Variants in MTUS2 observed in about 807,000 individuals in gnomAD.
MTUS2 encodes microtubule associated scaffold protein 2, also known as microtubule-associated tumor suppressor candidate 2.
In MTUS2, 40 loss-of-function variants were observed where a neutral mutation model predicts 114.1. That is an observed-to-expected ratio of 0.35 (90% CI 0.27 to 0.46). The LOEUF (loss-of-function observed/expected upper bound fraction) is 0.46. Ranked by LOEUF, MTUS2 falls within the 20% of genes least tolerant of loss-of-function variation. The pLI, the probability that MTUS2 is intolerant of heterozygous loss-of-function variation, is 1.00. For missense variants in MTUS2, 1,679 were observed against 1,705.4 expected (o/e 0.98, Z 0.27); for synonymous variants, 688 against 672.0 (o/e 1.02, Z -0.37).
rs1566174175 is a variant in MTUS2, at chr13:29,389,761, ATATGTATATACATACATATGTGTG to A, written c.3117+30292_3117+30315del. Among the ~76,000 whole-genome samples, 4 of 24,308 alleles carry A rather than the reference ATATGTATATACATACATATGTGTG, an allele frequency of 1.6e-4. 2 individuals carry two copies. The highest frequency in any genetic ancestry group is 4.7e-4 in the African/African-American group (4 of 8,508). 15.9% of individuals were successfully genotyped at this position (24,308 alleles called of 152,430 possible). On this transcript the variant is annotated intron_variant, in intron 8 of 15. Coordinates refer to ENST00000612955, the MANE Select transcript of MTUS2 (RefSeq NM_001033602.4). ...TATGTATATACATACATATGTGTGT[ATATGTATATACATACATATGTGTG>A]TATATGTATATACATACATATGTGT...
chr13:29,148,384 C>A (rs924151027), intron 5 of MTUS2, among the ~76,000 whole-genome samples: 1 of 46,020 alleles, frequency 2.2e-5, no homozygotes, highest in African/African-American at 8.2e-5. Flanking sequence ...CTGACAGACC[C>A]CAGTGTGTGT....
chr13:29,332,491 T>G (rs1203247684), intron 7 of MTUS2, among the ~76,000 whole-genome samples: 2 of 151,102 alleles, frequency 1.3e-5, no homozygotes, highest in Non-Finnish European at 2.9e-5. Context: ...AATTTGTTAA[T>G]CTTTTCAAAA....
At chr13:29,320,164 G>A (rs543031384) in intron 6 of MTUS2, among the ~76,000 whole-genome samples, 1 of 152,302 alleles carries the variant, frequency 6.6e-6, no homozygotes, top group South Asian at 2.1e-4. Context: ...TAAGAGAGAG[G>A]CAGGAGGAAT....
At position 29,480,478 on chromosome 13, in the gene MTUS2, GTTCAC is replaced by G. The variant is rs749810925; in HGVS notation, c.3399+117_3399+121del. 12 of 1,169,708 alleles carry G rather than the reference GTTCAC, an allele frequency of 1.0e-5. No individual in the cohort carries two copies. Among genetic ancestry groups the G allele is most frequent in the Non-Finnish European group, 1.4e-5 (12 of 856,390 alleles). 72.5% of individuals were successfully genotyped at this position (1,169,708 alleles called of 1,614,324 possible). A position where few individuals can be genotyped will look rare whatever the true frequency, so the allele number is the denominator to read the frequency against. ...ATTCAGTAGGTGAGCTTTCTGAACA[GTTCAC>G]TTTCTGAGTTGCTTTCTCCTTTCTC... On this transcript the variant is annotated intron_variant, in intron 10 of 15. Transcript: ENST00000612955. The surrounding 1 kb of genome is among the most constrained non-coding windows in gnomAD (Gnocchi z 4.4).
At chr13:28,867,476 A>G (rs907621017) in intron 2 of MTUS2, among the ~76,000 whole-genome samples, 6 of 152,208 alleles carry the variant, frequency 3.9e-5, no homozygotes, top group African/African-American at 1.4e-4. Context: ...AACCTCAGTA[A>G]ATCTCTTGAG....
chr13:29,211,250 G>A (rs1453230178), intron 5 of MTUS2, among the ~76,000 whole-genome samples: 1 of 152,122 alleles, frequency 6.6e-6, no homozygotes, highest in African/African-American at 2.4e-5. Flanking sequence ...CCAGGGGACT[G>A]GGGGAAAGCT....
chr13:29,045,040 T>C (rs1163908228), intron 4 of MTUS2, among the ~76,000 whole-genome samples: 7 of 152,204 alleles, frequency 4.6e-5, no homozygotes, highest in Admixed American at 3.3e-4. Context: ...AGACTTCAAA[T>C]CTCTGACATG....
chr13:28,965,964 C>T (rs1883563878), intron 2 of MTUS2, among the ~76,000 whole-genome samples: 1 of 152,178 alleles, frequency 6.6e-6, no homozygotes, highest in Admixed American at 6.5e-5. Flanking sequence ...GGCACCATGG[C>T]CTAGCCAAGC....
chr13:28,892,792 G>T (rs984334265), intron 2 of MTUS2, among the ~76,000 whole-genome samples: 2 of 152,180 alleles, frequency 1.3e-5, no homozygotes, highest in East Asian at 1.9e-4. Context: ...GCCTTGCAAT[G>T]AACCTCAGGT....
chr13:29,236,877 A>G (rs1349402795), intron 5 of MTUS2, among the ~76,000 whole-genome samples: 1 of 152,242 alleles, frequency 6.6e-6, no homozygotes, highest in Non-Finnish European at 1.5e-5. Context: ...ATGTATCCCA[A>G]TCTGAGTCCT....
Position 29,420,081 on chromosome 13 carries a change from A to G in MTUS2, c.3118-19902A>G, listed in dbSNP as rs192006048. On this transcript the variant is annotated intron_variant, in intron 8 of 15. Coordinates refer to ENST00000612955, the MANE Select transcript of MTUS2 (RefSeq NM_001033602.4). ...TAGAAAACCATTCCAGAAACCTTAT[A>G]TAGTAGATAGTTTTATCTCCATCTT... Among the ~76,000 whole-genome samples, 284 of 152,234 alleles carry G rather than the reference A, an allele frequency of 1.9e-3. 1 individual carries two copies. The highest frequency in any genetic ancestry group is 3.5e-3 in the Non-Finnish European group (235 of 67,992).
intron 2 of MTUS2, among the ~76,000 whole-genome samples, chr13:28,953,201 T>C (rs746421829): frequency 1.3e-5 from 2 of 151,996 alleles, no homozygotes; most frequent in Admixed American, 6.6e-5. Context: ...TCTACTGAGT[T>C]GCTTTTCTAT....
chr13:29,218,909 A>G (rs1410021053), intron 5 of MTUS2, among the ~76,000 whole-genome samples: 1 of 151,834 alleles, frequency 6.6e-6, no homozygotes, highest in Non-Finnish European at 1.5e-5. Context: ...ACAAAGGTAA[A>G]TGAACATTGG....
At chr13:29,316,172 C>G (rs1428289680) in intron 6 of MTUS2, among the ~76,000 whole-genome samples, 1 of 152,164 alleles carries the variant, frequency 6.6e-6, no homozygotes, top group African/African-American at 2.4e-5. Context: ...GTACTTTACA[C>G]ACGTGTGGGG....
intron 6 of MTUS2, among the ~76,000 whole-genome samples, chr13:29,318,098 G>A (rs1266640733): frequency 6.6e-6 from 1 of 152,220 alleles, no homozygotes; most frequent in Non-Finnish European, 1.5e-5. Flanking sequence ...TCACAGGCAA[G>A]TGGAGGGAAA....
chr13:29,227,556 A>G (rs574741704), intron 5 of MTUS2, among the ~76,000 whole-genome samples: 9 of 152,362 alleles, frequency 5.9e-5, no homozygotes, highest in Admixed American at 4.6e-4. Context: ...GACAGCTTCC[A>G]TACCATCATA....
intron 8 of MTUS2, among the ~76,000 whole-genome samples, chr13:29,381,198 A>T (rs1424192815): frequency 6.6e-6 from 1 of 152,166 alleles, no homozygotes; most frequent in East Asian, 1.9e-4. Context: ...ATTGAGGAGG[A>T]GAGAGGAAGC....
At chr13:29,334,224 A>C (rs1226420185) in intron 7 of MTUS2, among the ~76,000 whole-genome samples, 2 of 152,060 alleles carry the variant, frequency 1.3e-5, no homozygotes, top group South Asian at 4.2e-4. Context: ...TAATATTATT[A>C]TGTGTGAATT....
chr13:28,978,091 T>C (rs1302258521), intron 2 of MTUS2, among the ~76,000 whole-genome samples: 1 of 152,240 alleles, frequency 6.6e-6, no homozygotes, highest in Non-Finnish European at 1.5e-5. Context: ...TAAAGAACTG[T>C]ATTTTTTTCT....
Sources: allele counts gnomAD v4.1 joint callset (sites outside exome capture counted in the v4.1 genomes callset), GRCh38; gene constraint gnomAD v4.1.1; non-coding constraint Gnocchi (gnomAD v3.1); transcripts MANE v1.5; gene names NCBI Gene and HGNC (gene_info 2026-07-23, HGNC 2026-07-21).